CCDC192: variants seen among roughly 807,000 people sequenced by gnomAD.
CCDC192 encodes coiled-coil domain containing 192.
intron 5 of CCDC192, among the ~76,000 whole-genome samples, chr5:127,864,521 T>C (rs1383868813): frequency 6.6e-6 from 1 of 152,214 alleles, no homozygotes; most frequent in Non-Finnish European, 1.5e-5. Flanking sequence ...TGGAATTAGT[T>C]AAGACATCTT....
At position 127,711,909 on chromosome 5, in the gene CCDC192, T is replaced by C. The variant is rs1751356695; in HGVS notation, c.114+4149T>C. 3.3e-5 allele frequency among the ~76,000 whole-genome samples: 5 copies of C among 152,232 alleles called. 1 individual carries two copies. Among genetic ancestry groups the C allele is most frequent in the Admixed American group, 3.3e-4 (5 of 15,288 alleles). On this transcript the variant is annotated intron_variant, in intron 2 of 6. Transcript: ENST00000514853. ...CTCTTTCAGCTTTACTAAGACATAA[T>C]TGACACATTTAAAGTATACAAGTTG...
chr5:127,859,881 TCTTA>T (rs1221063749), intron 5 of CCDC192, among the ~76,000 whole-genome samples: 7 of 152,210 alleles, frequency 4.6e-5, no homozygotes, highest in African/African-American at 1.7e-4. Context: ...TTGTTTACAT[TCTTA>T]CTTGATTCTT....
At chr5:127,756,597 A>G (rs1754613625) in intron 3 of CCDC192, among the ~76,000 whole-genome samples, 1 of 152,240 alleles carries the variant, frequency 6.6e-6, no homozygotes, top group Admixed American at 6.5e-5. Flanking sequence ...AAGCTTTACA[A>G]TAGTGATGTT....
intron 6 of CCDC192, among the ~76,000 whole-genome samples, chr5:127,913,494 C>T (rs1022783015): frequency 9.9e-5 from 15 of 152,216 alleles, no homozygotes; most frequent in African/African-American, 3.6e-4. Flanking sequence ...TTCACTTCTA[C>T]CTAGACCGCT....
intron 2 of CCDC192, among the ~76,000 whole-genome samples, chr5:127,749,427 G>A (rs1297584175): frequency 6.6e-5 from 10 of 151,886 alleles, no homozygotes; most frequent in Admixed American, 2.6e-4. Flanking sequence ...ATTGATTTGC[G>A]TATATTGAAC....
chr5:127,786,835 A>G, intron 3 of CCDC192: 1 of 526,670 alleles, frequency 1.9e-6, no homozygotes, highest in Admixed American at 2.6e-5. Context: ...CCCTTTTTTG[A>G]TGTAGAAACT....
At chr5:127,866,152 G>A (rs987714480) in intron 5 of CCDC192, among the ~76,000 whole-genome samples, 9 of 151,976 alleles carry the variant, frequency 5.9e-5, no homozygotes, top group Non-Finnish European at 1.3e-4. Context: ...ATGCTACGTG[G>A]TTATGAGTAC....
At chr5:127,795,304 A>AG (rs1225209139) in intron 3 of CCDC192, among the ~76,000 whole-genome samples, 45 of 151,434 alleles carry the variant, frequency 3.0e-4, no homozygotes, top group African/African-American at 1.1e-3. Context: ...AAAAAAAAAA[A>AG]AAAAAACAAT....
intron 6 of CCDC192, among the ~76,000 whole-genome samples, chr5:127,907,088 C>T (rs1433062759): frequency 6.6e-6 from 1 of 151,826 alleles, no homozygotes; most frequent in Non-Finnish European, 1.5e-5. Context: ...AGTGTTAGCT[C>T]ATTTTGGTTT....
chr5:127,895,356 G>A (rs868565588), intron 6 of CCDC192, among the ~76,000 whole-genome samples: 3 of 152,136 alleles, frequency 2.0e-5, no homozygotes, highest in South Asian at 2.1e-4. Flanking sequence ...TTACAGAAAA[G>A]AAAAGCCAAC....
chr5:127,703,726 T>C (rs1750806290), intron 1 of CCDC192, among the ~76,000 whole-genome samples: 1 of 152,156 alleles, frequency 6.6e-6, no homozygotes, highest in African/African-American at 2.4e-5. Context: ...TCAATAAATA[T>C]TTGTTGAACA....
In CCDC192 at chr5:127,874,183, G is replaced by A. The variant is rs146255675; in HGVS notation, c.412-1355G>A. Among the ~76,000 whole-genome samples the A allele has an allele frequency of 2.5e-3, 384 of 152,218 alleles. 8 individuals are homozygous for A. In the South Asian group the frequency reaches 0.037, roughly 15 times the overall value. ...ACCAGGCCTCTGTGTTGTGGCTCAC[G>A]GTACCTCTCACCTGGATTGTGCTGG... is the stretch of plus-strand genomic sequence containing the variant. On this transcript the variant is annotated intron_variant, in intron 5 of 6. Coordinates refer to ENST00000514853, the MANE Select transcript of CCDC192 (RefSeq NM_001317938.2).
At chr5:127,719,830 G>GA (rs138708896) in intron 2 of CCDC192, among the ~76,000 whole-genome samples, 4 of 94,312 alleles carry the variant, frequency 4.2e-5, no homozygotes, top group African/African-American at 1.8e-4. Context: ...ATCAGAGGAA[G>GA]GGGCGGGGGA....
At chr5:127,768,574 G>A (rs750356689) in intron 3 of CCDC192, among the ~76,000 whole-genome samples, 22 of 152,190 alleles carry the variant, frequency 1.4e-4, no homozygotes, top group Admixed American at 7.2e-4. Context: ...TGTTGTTTAA[G>A]CCACCCAGTT....
chr5:127,782,629 T>C (rs1756297759), intron 3 of CCDC192, among the ~76,000 whole-genome samples: 1 of 152,208 alleles, frequency 6.6e-6, no homozygotes, highest in African/African-American at 2.4e-5. Flanking sequence ...CCTTGAATGA[T>C]CTTTTGTATT....
At chr5:127,713,567 A>G (rs1449584875) in intron 2 of CCDC192, among the ~76,000 whole-genome samples, 1 of 152,148 alleles carries the variant, frequency 6.6e-6, no homozygotes, top group African/African-American at 2.4e-5. Context: ...TTTTGATGAG[A>G]TCTAATTTAT....
intron 5 of CCDC192, among the ~76,000 whole-genome samples, chr5:127,843,646 C>A (rs570603428): frequency 1.3e-5 from 2 of 152,102 alleles, no homozygotes; most frequent in South Asian, 2.1e-4. Context: ...TCATATTGGC[C>A]GGGCTGGTCT....
intron 6 of CCDC192, among the ~76,000 whole-genome samples, chr5:127,921,165 AAAAG>A (rs1692941078): frequency 6.6e-6 from 1 of 151,676 alleles, no homozygotes; most frequent in Non-Finnish European, 1.5e-5. Context: ...AGGAGAAAAG[AAAAG>A]AAAAGAAAAG....
chr5:127,883,606 A>AGGATG (rs1260354049), intron 6 of CCDC192, among the ~76,000 whole-genome samples: 5 of 152,214 alleles, frequency 3.3e-5, no homozygotes, highest in Admixed American at 3.3e-4. Flanking sequence ...TGATTTCAGA[A>AGGATG]CTTCCCGCAA....
Sources: allele counts gnomAD v4.1 joint callset (sites outside exome capture counted in the v4.1 genomes callset), GRCh38; gene constraint gnomAD v4.1.1; transcripts MANE v1.5; gene names NCBI Gene and HGNC (gene_info 2026-07-23, HGNC 2026-07-21).